Variants in COL23A1 observed in about 807,000 individuals in gnomAD.
COL23A1 encodes the protein collagen type XXIII alpha 1 chain, also known as collagen alpha-1(XXIII) chain.
COL23A1 carries 97 observed loss-of-function variants against 99.3 expected under a neutral mutation model. The observed-to-expected ratio is 0.98, with a 90% confidence interval of 0.83 to 1.16. The LOEUF is 1.16. Among genes scored for constraint, COL23A1 ranks in the 50% most tolerant of loss-of-function variants. The pLI, the probability that COL23A1 is intolerant of heterozygous loss-of-function variation, is 0.00. For missense variants in COL23A1, 762 were observed against 757.4 expected, an observed-to-expected ratio of 1.01 and a Z score of -0.07; for synonymous variants, 320 against 308.2, an observed-to-expected ratio of 1.04 and a Z score of -0.40.
chr5:178,483,997 G>A (rs979889815), intron 2 of COL23A1, among the ~76,000 whole-genome samples: 32 of 152,122 alleles, frequency 2.1e-4, no homozygotes, highest in Non-Finnish European at 3.2e-4. Flanking sequence ...GAGTGCAATG[G>A]CATGATCTCG....
At chr5:178,579,227 G>GA (rs2113709494) in intron 1 of COL23A1, among the ~76,000 whole-genome samples, 1 of 152,328 alleles carries the variant, frequency 6.6e-6, no homozygotes, top group Admixed American at 6.5e-5. Context: ...TTCAGTCAAA[G>GA]AAAAAACTCT....
chr5:178,380,825 T>G (rs762076779), intron 2 of COL23A1, among the ~76,000 whole-genome samples: 1 of 152,140 alleles, frequency 6.6e-6, no homozygotes, highest in Non-Finnish European at 1.5e-5. Context: ...GGTCACAATA[T>G]GAGTGCTTTC....
intron 2 of COL23A1, among the ~76,000 whole-genome samples, chr5:178,497,565 C>T (rs914813631): frequency 2.6e-5 from 4 of 152,040 alleles, no homozygotes; most frequent in Admixed American, 1.3e-4. Context: ...TCCTCCATAC[C>T]GAAATGACCA....
chr5:178,370,772 A>G (rs529690606), intron 2 of COL23A1, among the ~76,000 whole-genome samples: 46 of 152,286 alleles, frequency 3.0e-4, no homozygotes, highest in African/African-American at 1.1e-3. Context: ...AAAAATATTA[A>G]AATAAATAAA....
intron 2 of COL23A1, among the ~76,000 whole-genome samples, chr5:178,483,728 A>G (rs1757458447): frequency 1.3e-5 from 2 of 152,326 alleles, no homozygotes; most frequent in East Asian, 1.9e-4. Flanking sequence ...TTCTCCCTCC[A>G]GTATTAGGTT....
intron 2 of COL23A1, among the ~76,000 whole-genome samples, chr5:178,490,222 A>G (rs496044): frequency 0.66 from 100,388 of 151,528 alleles, 34,294 homozygotes; most frequent in Non-Finnish European, 0.75. Context: ...GTGAAATTCC[A>G]TCTCAAAAAA....
chr5:178,321,552 C>T (rs938288223), intron 2 of COL23A1, among the ~76,000 whole-genome samples: 5 of 144,794 alleles, frequency 3.5e-5, no homozygotes, highest in African/African-American at 1.0e-4. Flanking sequence ...TGCAGTGGCA[C>T]GATCTCGGCT....
Position 178,255,035 on chromosome 5 carries a change from G to C in COL23A1, c.883-9C>G, listed in dbSNP as rs373026035. 646 of 1,611,696 alleles carry C rather than the reference G, an allele frequency of 4.0e-4. No homozygotes were observed. Among genetic ancestry groups the C allele is most frequent in the Non-Finnish European group, 5.3e-4 (624 of 1,178,168 alleles). ...TTGAGGCCTGGGGCACCCTGAGGCAGGAAGAAGAGTAAGAATTTCAGGGAA... is the reference window on the plus strand; with the variant it reads ...TTGAGGCCTGGGGCACCCTGAGGCACGAAGAAGAGTAAGAATTTCAGGGAA... On this transcript the variant is annotated splice_polypyrimidine_tract_variant and intron_variant, in intron 15 of 28. Coordinates refer to ENST00000390654, the MANE Select transcript of COL23A1 (RefSeq NM_173465.4). This position sits in a 1 kb window ranked among gnomAD's most constrained non-coding sequence, Gnocchi z 4.2.
At chr5:178,476,772 G>T (rs1031092140) in intron 2 of COL23A1, among the ~76,000 whole-genome samples, 1 of 152,224 alleles carries the variant, frequency 6.6e-6, no homozygotes, top group Non-Finnish European at 1.5e-5. Context: ...CACTGGCTCT[G>T]TGCCAGCCAC....
chr5:178,285,908 C>T (rs1343890044), intron 5 of COL23A1, among the ~76,000 whole-genome samples: 1 of 152,262 alleles, frequency 6.6e-6, no homozygotes, highest in Non-Finnish European at 1.5e-5. Flanking sequence ...GAAAGGTCCT[C>T]CCCTTCCTCG....
chr5:178,459,178 C>T (rs1189876196), intron 2 of COL23A1, among the ~76,000 whole-genome samples: 5 of 152,148 alleles, frequency 3.3e-5, no homozygotes, highest in Non-Finnish European at 5.9e-5. Flanking sequence ...AACTGGATTG[C>T]TATTGGAAAT....
At chr5:178,284,630 G>A (rs897208779) in intron 5 of COL23A1, among the ~76,000 whole-genome samples, 4 of 151,874 alleles carry the variant, frequency 2.6e-5, no homozygotes, top group Non-Finnish European at 5.9e-5. Flanking sequence ...TGACTGTAAG[G>A]GTGAAAAATT....
intron 1 of COL23A1, among the ~76,000 whole-genome samples, chr5:178,571,821 A>G (rs960551503): frequency 7.2e-5 from 11 of 152,174 alleles, no homozygotes; most frequent in Admixed American, 3.9e-4. Flanking sequence ...TGTAATCCCA[A>G]CACTTTGGGA....
In COL23A1 at chr5:178,277,289, C is replaced by T. The variant is rs1030729958; in HGVS notation, c.442-6926G>A. ...GCTGAGGCAGGAGGATTGCTTAAAC[C>T]GTGGAGGTTGAGGCTGCAGTGAGCT... On this transcript the variant is annotated intron_variant, in intron 5 of 28. Transcript: ENST00000390654. 1.2e-4 allele frequency among the ~76,000 whole-genome samples: 18 copies of T among 152,180 alleles called. No individual in the cohort carries two copies. The East Asian group carries it at 1.7e-3, about 15-fold the overall frequency.
chr5:178,357,974 GTA>G (rs200558513), intron 2 of COL23A1, among the ~76,000 whole-genome samples: 12,644 of 140,792 alleles, frequency 0.09, 867 homozygotes, highest in Middle Eastern at 0.22. Flanking sequence ...ATGTGTATGT[GTA>G]TATATGTGTG....
intron 2 of COL23A1, among the ~76,000 whole-genome samples, chr5:178,356,081 T>G (rs748230000): frequency 6.6e-6 from 1 of 152,124 alleles, no homozygotes; most frequent in Admixed American, 6.5e-5. Flanking sequence ...GGATGAAGCT[T>G]GAAATGGTGC....
intron 25 of COL23A1, among the ~76,000 whole-genome samples, chr5:178,244,300 C>G (rs1764560319): frequency 6.6e-6 from 1 of 152,068 alleles, no homozygotes; most frequent in African/African-American, 2.4e-5. Context: ...GTAATGTTCT[C>G]TTTTTAAAGT....
chr5:178,350,036 C>T (rs1016055455), intron 2 of COL23A1, among the ~76,000 whole-genome samples: 1 of 152,224 alleles, frequency 6.6e-6, no homozygotes, highest in African/African-American at 2.4e-5. Context: ...CCCTCTGTGC[C>T]CCCTCTCCAG....
At chr5:178,422,457 T>C (rs1355091884) in intron 2 of COL23A1, among the ~76,000 whole-genome samples, 1 of 152,204 alleles carries the variant, frequency 6.6e-6, no homozygotes, top group Admixed American at 6.5e-5. Flanking sequence ...CTCTGGGGAC[T>C]GAGGGCCAGA....
Sources: gnomAD v4.1 joint callset for allele counts (sites outside exome capture counted in the v4.1 genomes callset) on GRCh38, gnomAD v4.1.1 for gene constraint, Gnocchi (gnomAD v3.1) non-coding constraint, MANE v1.5 for transcripts, NCBI Gene and HGNC (gene_info 2026-07-23, HGNC 2026-07-21) for gene names.